The following ZNF521 variants were observed in gnomAD, a reference collection of about 807,000 sequenced individuals.
ZNF521 encodes the protein zinc finger protein 521.
A neutral mutation model predicts 105.5 loss-of-function variants in ZNF521; 14 were observed. The observed-to-expected ratio is 0.13, with a 90% CI of 0.09 to 0.21. The LOEUF (loss-of-function observed/expected upper bound fraction) is 0.21. Among genes scored for constraint, ZNF521 ranks in the 10% least tolerant of loss-of-function variants. ZNF521 has a pLI of 1.00. For synonymous variants in ZNF521, 635 were observed against 606.0 expected (o/e 1.05, Z -0.70); for missense variants, 1,233 against 1,629.7 (o/e 0.76, Z 4.19).
In ZNF521 at chr18:25,195,140, A is replaced by G; in HGVS notation, c.3658+20T>C. ...GCAGAAGAAACATCTATCTGTAATAAGGTTTAGAGTGTCACTCACCAATCA... is the reference window on the plus strand; with the variant it reads ...GCAGAAGAAACATCTATCTGTAATAGGGTTTAGAGTGTCACTCACCAATCA... On this transcript the variant is annotated intron_variant, in intron 5 of 7. Transcript: ENST00000361524. The G allele has an allele frequency of 1.3e-6, 2 of 1,562,904 alleles. No homozygotes were observed. The highest frequency in any genetic ancestry group is 1.8e-6 in the Non-Finnish European group (2 of 1,141,770).
chr18:25,302,610 A>T (rs1911706699), intron 3 of ZNF521: 1 of 152,164 alleles, frequency 6.6e-6, no homozygotes, highest in African/African-American at 2.4e-5. Context: ...AAGATGCCTG[A>T]TTTGATTATA....
intron 5 of ZNF521, among the ~76,000 whole-genome samples, chr18:25,185,732 A>G (rs981025237): frequency 3.3e-5 from 5 of 151,000 alleles, no homozygotes; most frequent in Non-Finnish European, 7.4e-5. Context: ...ATTGACCTGT[A>G]AAAAAAATAA....
intron 3 of ZNF521, among the ~76,000 whole-genome samples, chr18:25,320,645 A>G (rs1244122914): frequency 3.3e-5 from 5 of 152,244 alleles, no homozygotes; most frequent in Non-Finnish European, 7.3e-5. Context: ...AATAAAGTAA[A>G]TGGAGAAAAA....
At position 25,337,886 on chromosome 18, in the gene ZNF521, C is replaced by T. The variant is rs151155204; in HGVS notation, c.40+13021G>A. ...GCTGGGGATGGACTAGACAACAGCC[C>T]ATCATACAATGGATACTGCAAAGTC... is the stretch of plus-strand genomic sequence containing the variant. On this transcript the variant is annotated intron_variant, in intron 2 of 7. Coordinates refer to ENST00000361524, the MANE Select transcript of ZNF521 (RefSeq NM_015461.3). Among the ~76,000 whole-genome samples the T allele has an allele frequency of 8.7e-3, 1,325 of 152,168 alleles. 15 individuals carry two copies. The highest frequency in any genetic ancestry group is 0.031 in the African/African-American group (1,271 of 41,518).
chr18:25,294,505 C>T (rs982931948), intron 3 of ZNF521, among the ~76,000 whole-genome samples: 4 of 152,062 alleles, frequency 2.6e-5, no homozygotes, highest in Non-Finnish European at 2.9e-5. Context: ...TCAAATGTAA[C>T]GAAAATGTAC....
At chr18:25,116,882 T>TATAC (rs2034316997) in intron 5 of ZNF521, among the ~76,000 whole-genome samples, 1 of 52,244 alleles carries the variant, frequency 1.9e-5, no homozygotes, top group Non-Finnish European at 6.6e-5. Context: ...TATATATATA[T>TATAC]ATATACGTAT....
At chr18:25,066,654 G>T (rs2033068999) in intron 7 of ZNF521, among the ~76,000 whole-genome samples, 1 of 152,142 alleles carries the variant, frequency 6.6e-6, no homozygotes, top group African/African-American at 2.4e-5. Flanking sequence ...GACAGCAGAA[G>T]CGCCAAGCAA....
intron 7 of ZNF521, among the ~76,000 whole-genome samples, chr18:25,071,110 A>G (rs2033210570): frequency 6.6e-6 from 1 of 152,210 alleles, no homozygotes; most frequent in South Asian, 2.1e-4. Context: ...ATGCTTGAGT[A>G]TGCTACTTTG....
At chr18:25,293,050 T>C (rs1296585440) in intron 3 of ZNF521, among the ~76,000 whole-genome samples, 1 of 152,198 alleles carries the variant, frequency 6.6e-6, no homozygotes, top group Non-Finnish European at 1.5e-5. Context: ...TTCCCATATA[T>C]ATTCTGCCTT....
chr18:25,094,692 G>A (rs911414073), intron 5 of ZNF521, among the ~76,000 whole-genome samples: 3 of 152,040 alleles, frequency 2.0e-5, no homozygotes, highest in Admixed American at 1.3e-4. Context: ...AAATATATAT[G>A]AATTGTTACA....
chr18:25,214,843 G>A (rs1227314880), intron 4 of ZNF521, among the ~76,000 whole-genome samples: 1 of 152,138 alleles, frequency 6.6e-6, no homozygotes. Context: ...AGGAGATGCA[G>A]ATAGAAGAGA....
intron 5 of ZNF521, among the ~76,000 whole-genome samples, chr18:25,181,128 C>T (rs2035624617): frequency 6.6e-6 from 1 of 152,180 alleles, no homozygotes; most frequent in African/African-American, 2.4e-5. Flanking sequence ...GGAAGCCTCC[C>T]ACACAACGGT....
At chr18:25,291,405 C>T (rs1374454411) in intron 3 of ZNF521, among the ~76,000 whole-genome samples, 1 of 152,130 alleles carries the variant, frequency 6.6e-6, no homozygotes, top group Non-Finnish European at 1.5e-5. Context: ...TTGAATGTGG[C>T]CATCTTATTT....
intron 3 of ZNF521, among the ~76,000 whole-genome samples, chr18:25,254,798 C>G (rs1908364260): frequency 6.6e-6 from 1 of 152,044 alleles, no homozygotes; most frequent in Non-Finnish European, 1.5e-5. Context: ...AGATCTTTGT[C>G]CCCAGATTTC....
chr18:25,085,896 G>T (rs999602882), intron 7 of ZNF521, among the ~76,000 whole-genome samples: 3 of 152,134 alleles, frequency 2.0e-5, no homozygotes, highest in Non-Finnish European at 2.9e-5. Context: ...TATCCATAGT[G>T]ATGTTGATGG....
At position 25,225,433 on chromosome 18, in the gene ZNF521, G is replaced by A; in HGVS notation, c.2485C>T (p.Arg829Ter). The A allele has an allele frequency of 6.2e-7, 1 of 1,614,130 alleles. No individual in the cohort carries two copies. The highest frequency in any genetic ancestry group is 8.5e-7 in the Non-Finnish European group (1 of 1,180,022). Residue 829 changes from arginine (R) to a stop codon, truncating the protein, a stop_gained, in exon 4 of 8, where the codon CGA becomes TGA. Coordinates refer to ENST00000361524, the MANE Select transcript of ZNF521 (RefSeq NM_015461.3). LOFTEE classifies it high-confidence loss of function. This position sits in a 1 kb window ranked among gnomAD's most constrained non-coding sequence, Gnocchi z 5.6. ...HAIILLEKHL[R>*]EKHCVFETKT... The stretch of plus-strand genomic sequence containing the variant: ...GTTTCGAATACACAGTGTTTTTCTC[G>A]CAAGTGTTTTTCTAACAAAATGATC...
chr18:25,194,051 A>T (rs1385909865), intron 5 of ZNF521, among the ~76,000 whole-genome samples: 1 of 151,818 alleles, frequency 6.6e-6, no homozygotes, highest in Admixed American at 6.6e-5. Flanking sequence ...AGCTTTAATG[A>T]TCAGAAATGA....
intron 3 of ZNF521, among the ~76,000 whole-genome samples, chr18:25,314,828 AG>A (rs1325665940): frequency 6.6e-6 from 1 of 152,258 alleles, no homozygotes; most frequent in African/African-American, 2.4e-5. Context: ...AGGAGAGAAG[AG>A]AAAAATGACT....
intron 5 of ZNF521, among the ~76,000 whole-genome samples, chr18:25,159,401 C>T (rs2035208597): frequency 6.6e-6 from 1 of 152,114 alleles, no homozygotes; most frequent in Non-Finnish European, 1.5e-5. Flanking sequence ...TAAAGAAAGA[C>T]ATACAGATGT....
Sources: gnomAD v4.1 joint callset for allele counts (sites outside exome capture counted in the v4.1 genomes callset) on GRCh38, gnomAD v4.1.1 for gene constraint, Gnocchi (gnomAD v3.1) non-coding constraint, MANE v1.5 for transcripts, NCBI Gene and HGNC (gene_info 2026-07-23, HGNC 2026-07-21) for gene names.